The following THOC5 variants were observed in gnomAD, a reference collection of about 807,000 sequenced individuals.
THOC5 encodes THO complex subunit 5.
THOC5 carries 43 observed loss-of-function variants against 92.9 expected under a neutral mutation model. The ratio of observed to expected loss-of-function variants is 0.46; its 90% CI spans 0.36 to 0.60. The LOEUF is 0.60. Among genes scored for constraint, THOC5 ranks in the 20% least tolerant of loss-of-function variants. The pLI is 0.00. For missense variants in THOC5, 659 were observed against 849.4 expected (o/e 0.78, Z 2.79); for synonymous variants, 296 against 320.1 (o/e 0.92, Z 0.80).
chr22:29,539,957 T>C (rs1416202465), intron 5 of THOC5, among the ~76,000 whole-genome samples: 1 of 152,188 alleles, frequency 6.6e-6, no homozygotes, highest in African/African-American at 2.4e-5. Context: ...CTTAAACCGT[T>C]GCATGCATAG....
At chr22:29,515,788 G>A (rs1488249210) in intron 17 of THOC5, among the ~76,000 whole-genome samples, 1 of 151,928 alleles carries the variant, frequency 6.6e-6, no homozygotes, top group East Asian at 1.9e-4. Context: ...CCATGACTGA[G>A]CCACTGTACT....
intron 14 of THOC5, 34 bp from the exon 15 acceptor site, chr22:29,519,154 T>A (rs1569212046): frequency 6.9e-7 from 1 of 1,452,770 alleles, no homozygotes; most frequent in East Asian, 2.3e-5. Context: ...ACACGTGTGC[T>A]CCCCCATCCC....
At chr22:29,529,316 G>A in intron 8 of THOC5, 77 bp from the exon 9 acceptor site, 1 of 1,471,626 alleles carries the variant, frequency 6.8e-7, no homozygotes, top group South Asian at 1.1e-5. Context: ...CAGCTCTGGG[G>A]CTGCATTTCT....
chr22:29,531,546 G>C, intron 8 of THOC5: 1 of 1,156,232 alleles, frequency 8.6e-7, no homozygotes, highest in Non-Finnish European at 1.1e-6. Flanking sequence ...GTGAGCACCT[G>C]GGAGCCCAGA....
Position 29,527,916 on chromosome 22 carries a change from A to C in THOC5, c.1066+162T>G, listed in dbSNP as rs542435906. On this transcript the variant is annotated intron_variant, in intron 11 of 19. Coordinates refer to ENST00000490103, the MANE Select transcript of THOC5 (RefSeq NM_003678.5). The stretch of plus-strand genomic sequence containing the variant: ...GTTGTTACGGTTATGATTTAACAAA[A>C]AGAAACAAAGTCCATGCAAAACAAT... Among the ~76,000 whole-genome samples the C allele has an allele frequency of 5.3e-5, 8 of 152,366 alleles. No homozygotes were observed. The East Asian group carries it at 1.3e-3, about 26-fold the overall frequency.
At chr22:29,547,090 TGCCTCG>T (rs1409969598) in intron 2 of THOC5, among the ~76,000 whole-genome samples, 6 of 151,514 alleles carry the variant, frequency 4.0e-5, no homozygotes, top group Non-Finnish European at 2.9e-5. Flanking sequence ...GTGGTTCACC[TGCCTCG>T]GCCTCCCAAA....
chr22:29,552,567 G>C (rs547259895), intron 1 of THOC5, among the ~76,000 whole-genome samples: 6 of 150,632 alleles, frequency 4.0e-5, no homozygotes, highest in Admixed American at 6.6e-5. Context: ...CCCCGTCCGG[G>C]GGGGAGGTGG....
chr22:29,547,878 A>G (rs2064057499), intron 2 of THOC5, among the ~76,000 whole-genome samples: 1 of 152,226 alleles, frequency 6.6e-6, no homozygotes, highest in Admixed American at 6.5e-5. Context: ...CGCTGCTGAT[A>G]AAGACATACC....
intron 1 of THOC5, among the ~76,000 whole-genome samples, chr22:29,549,917 G>A (rs1369527623): frequency 1.3e-5 from 2 of 151,976 alleles, no homozygotes; most frequent in Non-Finnish European, 2.9e-5. Flanking sequence ...AAGCCTGTCA[G>A]GTCTCCCCAA....
rs1354655401 is a variant in THOC5 at position 29,536,729 on chromosome 22, C to G, written c.609G>C (p.Glu203Asp). 6.3e-7 allele frequency: 1 copy of G among 1,599,594 alleles called. No individual in the cohort carries two copies. The highest frequency in any genetic ancestry group is 8.6e-7 in the Non-Finnish European group (1 of 1,166,868). ...WELEQRKRLA[E>D]KYRECLSNKE... is the part of the protein sequence containing the mutation. ...TGTTAGATAGGCACTCTCGGTACTT[C>G]TCTGCCAGCCTGTTGGGGGAGGAAA... The change falls in exon 7 of 20, where the codon GAG (glutamate) becomes GAC (aspartate). Residue 203 changes from glutamate to aspartate, a missense_variant. Physicochemically the swap from Glu to Asp is conservative, Grantham distance 45. Transcript: ENST00000490103.
At chr22:29,512,183 T>C in intron 17 of THOC5, 47 bp from the exon 18 acceptor site, 1 of 1,533,022 alleles carries the variant, frequency 6.5e-7, no homozygotes, top group Non-Finnish European at 9.0e-7. Context: ...AAGACTCAGC[T>C]TGCCAGCCAT....
At chr22:29,529,105 C>G in intron 9 of THOC5, 57 bp downstream of exon 9, 1 of 1,554,484 alleles carries the variant, frequency 6.4e-7, no homozygotes, top group Non-Finnish European at 8.9e-7. Flanking sequence ...AAGACCAGGA[C>G]TGCCCTTGGA....
chr22:29,551,911 G>C (rs1348476781), intron 1 of THOC5, among the ~76,000 whole-genome samples: 1 of 149,428 alleles, frequency 6.7e-6, no homozygotes, highest in Non-Finnish European at 1.5e-5. Flanking sequence ...TCAGCCTGCC[G>C]AGTGCCTGCA....
chr22:29,547,488 G>A lies in THOC5; in HGVS notation c.96+1564C>T, dbSNP rs140986819. Among the ~76,000 whole-genome samples, 732 of 151,872 alleles carry A rather than the reference G, an allele frequency of 4.8e-3. 11 individuals are homozygous for A. Among genetic ancestry groups the A allele is most frequent in the Admixed American group, 7.2e-3 (109 of 15,236 alleles). Reference sequence around the variant, plus strand: ...AAGCAATTCTCTGCCTCAGCCTCCCGAGTAGCTGGGATTACAGGCTACCGC... The same window carrying A: ...AAGCAATTCTCTGCCTCAGCCTCCCAAGTAGCTGGGATTACAGGCTACCGC... On this transcript the variant is annotated intron_variant, in intron 2 of 19. Coordinates refer to ENST00000490103, the MANE Select transcript of THOC5 (RefSeq NM_003678.5).
rs201316386 is a variant in THOC5, at chr22:29,511,284, C to T, written c.1810G>A (p.Glu604Lys). 1.1e-5 allele frequency: 17 copies of T among 1,612,698 alleles called. No homozygotes were observed. Among genetic ancestry groups the T allele is most frequent in the South Asian group, 4.4e-5 (4 of 91,044 alleles). Residue 604 changes from glutamate (E) to lysine (K), a missense_variant, in exon 19 of 20, where the codon GAA becomes AAA. Glu to Lys is a moderately conservative substitution (Grantham distance 56). Transcript: ENST00000490103. The part of the protein sequence containing the change: ...NDDNIRAMEG[E>K]VNVCYKELCG... Reference sequence around the variant, plus strand: ...AGCTCCTTGTAGCACACATTGACTTCGCCCTCCATGGCCTGTGTGATAGGA... The same window carrying T: ...AGCTCCTTGTAGCACACATTGACTTTGCCCTCCATGGCCTGTGTGATAGGA...
intron 11 of THOC5, among the ~76,000 whole-genome samples, chr22:29,526,333 C>T (rs578232836): frequency 3.3e-5 from 5 of 152,130 alleles, no homozygotes; most frequent in Middle Eastern, 3.4e-3. Context: ...GAGATCGAGA[C>T]CATCCTGGCT....
intron 5 of THOC5, among the ~76,000 whole-genome samples, chr22:29,539,754 G>A (rs2063840172): frequency 6.6e-6 from 1 of 152,180 alleles, no homozygotes; most frequent in Non-Finnish European, 1.5e-5. Flanking sequence ...TCTCCAAGCT[G>A]AGCAGGAGAA....
At chr22:29,543,347 CAAAAAAAAAAAA>C (rs59948387) in intron 4 of THOC5, 70 bp downstream of exon 4, 45 of 466,242 alleles carry the variant, frequency 9.7e-5, no homozygotes, top group Middle Eastern at 9.8e-4. Context: ...GACTCTGTCT[CAAAAAAAAAAAA>C]AAAAAAAAAA....
intron 8 of THOC5, chr22:29,531,055 T>TAAAAG: frequency 9.1e-7 from 1 of 1,101,498 alleles, no homozygotes; most frequent in Non-Finnish European, 1.1e-6. Flanking sequence ...ATTTTAAACA[T>TAAAAG]AAAAGAAAAG....
Sources: allele counts gnomAD v4.1 joint callset (sites outside exome capture counted in the v4.1 genomes callset), GRCh38; gene constraint gnomAD v4.1.1; transcripts MANE v1.5; gene names NCBI Gene and HGNC (gene_info 2026-07-23, HGNC 2026-07-21).